Variants in DDX49 observed in about 807,000 individuals in gnomAD.
The protein encoded by DDX49 is probable ATP-dependent RNA helicase DDX49.
Under a neutral mutation model 56.3 loss-of-function variants are expected in DDX49, and 50 were observed. The observed-to-expected ratio is 0.89, with a 90% CI of 0.71 to 1.12. The LOEUF (loss-of-function observed/expected upper bound fraction) is 1.12, where lower values mean the gene tolerates loss of function less well. Among genes scored for constraint, DDX49 ranks in the 50% most tolerant of loss-of-function variants. The pLI is 0.00. For missense variants in DDX49, 614 were observed against 650.5 expected (o/e 0.94, Z 0.61); for synonymous variants, 269 against 270.6 (o/e 0.99, Z 0.06).
rs1350673391 is a variant in DDX49 at position 18,928,297 on chromosome 19, C to G, written c.1433C>G (p.Pro478Arg). The change falls in exon 13 of 13, where the codon CCC (proline) becomes CGC (arginine). Residue 478 changes from proline (P) to arginine (R), a missense_variant. By Grantham distance (103) the Pro-to-Arg change is moderately radical. Coordinates refer to ENST00000247003, the MANE Select transcript of DDX49 (RefSeq NM_019070.5). ...TCTGGGTCCCACTCAGGCCCAGTCC[C>G]CTCCCAGGGCCTGGTCTGAGCCCCA... ...TPSGSHSGPV[P>R]SQGLV 1 of 1,564,522 alleles carries G rather than the reference C, an allele frequency of 6.4e-7. No homozygotes were observed. The highest frequency in any genetic ancestry group is 8.7e-7 in the Non-Finnish European group (1 of 1,155,570).
At position 18,924,607 on chromosome 19, in the gene DDX49, T is replaced by C; in HGVS notation, c.853-16T>C. 1.2e-6 allele frequency: 2 copies of C among 1,614,034 alleles called. No individual in the cohort carries two copies. Among genetic ancestry groups the C allele is most frequent in the Non-Finnish European group, 8.5e-7 (1 of 1,179,930 alleles). ...TGCCTTCATGCATTCCCAATTTTCT[T>C]CCCAACCCTGTGCAGAAAGAACGCT... On this transcript the variant is annotated splice_polypyrimidine_tract_variant and intron_variant, in intron 7 of 12. Transcript: ENST00000247003.
intron 4 of DDX49, 161 bp downstream of exon 4, chr19:18,922,125 C>G (rs995562698): frequency 6.7e-6 from 8 of 1,197,690 alleles, no homozygotes; most frequent in South Asian, 3.1e-5. Context: ...CAAGGACCAA[C>G]AAGAGGGGGC....
In DDX49 at chr19:18,928,234, G is replaced by T. The variant is rs756415370; in HGVS notation, c.1370G>T (p.Gly457Val). 3 of 1,587,534 alleles carry T rather than the reference G, an allele frequency of 1.9e-6. No homozygotes were observed. Among genetic ancestry groups the T allele is most frequent in the African/African-American group, 2.7e-5 (2 of 74,624 alleles). Residue 457 changes from glycine (G) to valine (V), a missense_variant, in exon 13 of 13, where the codon GGC becomes GTC. Gly to Val is a moderately radical substitution (Grantham distance 109). Transcript: ENST00000247003. ...VEETLKRQKAGRAGHKGRPPR... is the reference protein window; with the variant it reads ...VEETLKRQKAVRAGHKGRPPR... ...GAGACGCTGAAGCGACAGAAGGCTGGCAGGGCTGGCCACAAGGGGCGTCCA... is the reference window on the plus strand; with the variant it reads ...GAGACGCTGAAGCGACAGAAGGCTGTCAGGGCTGGCCACAAGGGGCGTCCA...
chr19:18,928,096 G>C (rs762456435), intron 12 of DDX49, 32 bp from the exon 13 acceptor site: 46 of 1,612,280 alleles, frequency 2.9e-5, no homozygotes, highest in Non-Finnish European at 3.7e-5. Flanking sequence ...GGGGCCGCCA[G>C]CTCAGCCATC....
Position 18,928,307 on chromosome 19 carries a change from C to T in DDX49, c.1443C>T (p.Gly481=). ...ACTCAGGCCCAGTCCCCTCCCAGGGCCTGGTCTGAGCCCCACACGGCCATC... is the reference window on the plus strand; with the variant it reads ...ACTCAGGCCCAGTCCCCTCCCAGGGTCTGGTCTGAGCCCCACACGGCCATC... The part of the protein sequence containing the change: ...GSHSGPVPSQ[G]LV The change falls in exon 13 of 13, where the codon GGC becomes GGT. Residue 481 remains glycine, a synonymous_variant. Coordinates refer to ENST00000247003, the MANE Select transcript of DDX49 (RefSeq NM_019070.5). 6.4e-7 allele frequency: 1 copy of T among 1,555,234 alleles called. No individual in the cohort carries two copies.
At chr19:18,927,905 G>C in intron 11 of DDX49, 51 bp downstream of exon 11, 1 of 1,613,654 alleles carries the variant, frequency 6.2e-7, no homozygotes, top group Non-Finnish European at 8.5e-7. Flanking sequence ...GGCCGGGGGT[G>C]CTCCCTTCCA....
intron 5 of DDX49, 28 bp downstream of exon 5, chr19:18,922,541 G>A: frequency 1.9e-6 from 3 of 1,598,116 alleles, no homozygotes; most frequent in South Asian, 2.2e-5. Flanking sequence ...ACAGCGTGGG[G>A]AGGGCAGCCC....
At chr19:18,925,091 G>A in intron 9 of DDX49, 112 bp downstream of exon 9, 1 of 1,361,344 alleles carries the variant, frequency 7.3e-7, no homozygotes, top group East Asian at 2.5e-5. Flanking sequence ...GAGCTACTCA[G>A]GGCCATGTTT....
intron 10 of DDX49, 95 bp downstream of exon 10, chr19:18,926,472 C>G: frequency 9.9e-6 from 12 of 1,210,064 alleles, no homozygotes; most frequent in Non-Finnish European, 1.3e-5. Flanking sequence ...CAGACACCAG[C>G]CGGCCTGCTC....
intron 10 of DDX49, 43 bp from the exon 11 acceptor site, chr19:18,927,723 C>CG (rs2056973029): frequency 1.3e-6 from 2 of 1,563,956 alleles, no homozygotes; most frequent in Non-Finnish European, 1.8e-6. Flanking sequence ...CTCCATGTCA[C>CG]GTCTCCTCCC....
Position 18,921,697 on chromosome 19 carries a change from G to C in DDX49, c.274G>C (p.Val92Leu). ...CTACCAGATCGCAGAGCAGTTCCGG[G>C]TCCTGGGGAAGCCTCTAGGGCTGAA... The part of the protein sequence containing the change: ...LAYQIAEQFR[V>L]LGKPLGLKDC... Residue 92 changes from valine to leucine, a missense_variant, in exon 3 of 13, where the codon GTC (valine) becomes CTC (leucine). Val to Leu is a conservative substitution (Grantham distance 32). Transcript: ENST00000247003. 11 of 1,614,150 alleles carry C rather than the reference G, an allele frequency of 6.8e-6. No homozygotes were observed. The highest frequency in any genetic ancestry group is 9.3e-6 in the Non-Finnish European group (11 of 1,180,028).
chr19:18,922,212 G>A (rs1347753293), intron 4 of DDX49, 114 bp from the exon 5 acceptor site: 1 of 1,345,008 alleles, frequency 7.4e-7, no homozygotes, highest in Non-Finnish European at 1.0e-6. Context: ...TGGAAGGAGG[G>A]TACTCCAGGG....
Position 18,922,516 on chromosome 19 carries a change from G to A in DDX49, c.635+3G>A, listed in dbSNP as rs1357695469. 1.9e-6 allele frequency: 3 copies of A among 1,600,532 alleles called. No individual in the cohort carries two copies. The highest frequency in any genetic ancestry group is 2.7e-5 in the African/African-American group (2 of 74,810). On this transcript the variant is annotated splice_donor_region_variant and intron_variant, in intron 5 of 12. Transcript: ENST00000247003. ...TTCTTCTGGGAAGCACAGGCCCCGT[G>A]AGTCCACAGCCCAGACAGCGTGGGG...
In DDX49 at chr19:18,922,751, G is replaced by C; in HGVS notation, c.776+7G>C. On this transcript the variant is annotated splice_region_variant and intron_variant, in intron 6 of 12. Transcript: ENST00000247003. ...TCTTCACCAACACGTGCAAGTGAGC[G>C]GGGCCCGCCTCTCCCCTCCCACCGC... 1 of 1,607,116 alleles carries C rather than the reference G, an allele frequency of 6.2e-7. No homozygotes were observed. Among genetic ancestry groups the C allele is most frequent in the Non-Finnish European group, 8.5e-7 (1 of 1,175,402 alleles).
In DDX49 at chr19:18,924,328, C is replaced by T. The variant is rs775520659; in HGVS notation, c.852+20C>T. 12 of 1,585,898 alleles carry T rather than the reference C, an allele frequency of 7.6e-6. No homozygotes were observed. In the East Asian group the frequency reaches 2.2e-4, roughly 30 times the overall value. On this transcript the variant is annotated intron_variant, in intron 7 of 12. Coordinates refer to ENST00000247003, the MANE Select transcript of DDX49 (RefSeq NM_019070.5). ...AAGCAGGTGAGGCCACCCTGGGGCC[C>T]GCCAGCCTCACCCTGGGATACCTTC...
At chr19:18,922,167 C>A in intron 4 of DDX49, 159 bp from the exon 5 acceptor site, 4 of 1,169,340 alleles carry the variant, frequency 3.4e-6, no homozygotes, top group Non-Finnish European at 4.8e-6. Flanking sequence ...GGGGGTAGGG[C>A]CTTGCTGAGA....
At chr19:18,921,563 G>T in intron 2 of DDX49, 100 bp from the exon 3 acceptor site, 1 of 1,171,850 alleles carries the variant, frequency 8.5e-7, no homozygotes. Context: ...GGCAAGTCAG[G>T]AGCCTGGGGG....
chr19:18,924,706 A>G lies in DDX49; in HGVS notation c.929+7A>G. 6.2e-7 allele frequency: 1 copy of G among 1,614,194 alleles called. No individual in the cohort carries two copies. Among genetic ancestry groups the G allele is most frequent in the Non-Finnish European group, 8.5e-7 (1 of 1,180,020 alleles). On this transcript the variant is annotated splice_region_variant and intron_variant, in intron 8 of 12. Transcript: ENST00000247003. ...CAACAGACGTGGCCTCCCGGTGAGCAGCCCCCAGTCTCCTGCCAAGGGCAC... is the reference window on the plus strand; with the variant it reads ...CAACAGACGTGGCCTCCCGGTGAGCGGCCCCCAGTCTCCTGCCAAGGGCAC...
At chr19:18,924,806 T>C in intron 8 of DDX49, 76 bp from the exon 9 acceptor site, 3 of 1,612,478 alleles carry the variant, frequency 1.9e-6, no homozygotes, top group Non-Finnish European at 2.5e-6. Context: ...GCATCCCTGC[T>C]GAGTGACCCT....
Sources: gnomAD v4.1 joint callset for allele counts on GRCh38, gnomAD v4.1.1 for gene constraint, MANE v1.5 for transcripts, NCBI Gene and HGNC (gene_info 2026-07-23, HGNC 2026-07-21) for gene names.